The following PHACTR4 variants were observed in gnomAD, a reference collection of about 807,000 sequenced individuals.
The protein encoded by PHACTR4 is protein phosphatase 1, regulatory subunit 124.
A neutral mutation model predicts 72.7 loss-of-function variants in PHACTR4; 51 were observed. That is an observed-to-expected ratio of 0.70 (90% CI 0.56 to 0.89). The LOEUF is 0.89. Ranked by LOEUF, PHACTR4 falls within the 40% of genes least tolerant of loss-of-function variation. The pLI, the probability that PHACTR4 is intolerant of heterozygous loss-of-function variation, is 0.00. For synonymous variants in PHACTR4, 255 were observed against 302.5 expected (o/e 0.84, Z 1.63); for missense variants, 731 against 861.8 (o/e 0.85, Z 1.90).
At chr1:28,430,067 G>A (rs1656143113) in intron 2 of PHACTR4, among the ~76,000 whole-genome samples, 1 of 151,512 alleles carries the variant, frequency 6.6e-6, no homozygotes, top group Non-Finnish European at 1.5e-5. Flanking sequence ...CTGTCACCCA[G>A]GCTAGAGTGC....
chr1:28,440,908 T>C (rs892229695), intron 2 of PHACTR4, among the ~76,000 whole-genome samples: 2 of 152,176 alleles, frequency 1.3e-5, no homozygotes, highest in Non-Finnish European at 2.9e-5. Context: ...ATGATAAATA[T>C]ACAAAGTAAA....
At chr1:28,457,951 C>G (rs543196099) in intron 2 of PHACTR4, 1,051 of 797,906 alleles carry the variant, frequency 1.3e-3, no homozygotes, top group Non-Finnish European at 1.5e-3. Flanking sequence ...AAATTCTTGG[C>G]CCCGCCTTGG....
At chr1:28,399,747 G>A (rs957152441) in intron 1 of PHACTR4, among the ~76,000 whole-genome samples, 9 of 152,148 alleles carry the variant, frequency 5.9e-5, no homozygotes, top group Non-Finnish European at 1.2e-4. Flanking sequence ...ATTACAGATA[G>A]TATACCATCA....
intron 2 of PHACTR4, among the ~76,000 whole-genome samples, chr1:28,407,981 A>G (rs1654478426): frequency 6.6e-6 from 1 of 152,024 alleles, no homozygotes; most frequent in South Asian, 2.1e-4. Context: ...TTAGCTGGGC[A>G]TGGTGGCACA....
At chr1:28,399,329 T>C (rs544732746) in intron 1 of PHACTR4, among the ~76,000 whole-genome samples, 58 of 152,232 alleles carry the variant, frequency 3.8e-4, no homozygotes, top group African/African-American at 1.3e-3. Flanking sequence ...ATATATATGA[T>C]GAATAATTTT....
rs749930077 is a variant in PHACTR4 at position 28,500,315 on chromosome 1, T to C, written c.*3766T>C. On this transcript the variant is annotated 3_prime_UTR_variant, in exon 14 of 14. Transcript: ENST00000373839. ...AATAAATAATTGCATTGTATATCAGTCTTCTCATCAATATTAATTATTAAA... is the reference window on the plus strand; with the variant it reads ...AATAAATAATTGCATTGTATATCAGCCTTCTCATCAATATTAATTATTAAA... The C allele has an allele frequency of 3.9e-5, 6 of 152,140 alleles. No individual in the cohort carries two copies. The highest frequency in any genetic ancestry group is 4.8e-5 in the African/African-American group (2 of 41,440). The allele number at this position is 152,140 out of a possible 1,614,324, so 9.4% of individuals were successfully genotyped here. A position where few individuals can be genotyped will look rare whatever the true frequency, so the allele number is the denominator to read the frequency against.
chr1:28,411,487 A>T (rs541333543), intron 2 of PHACTR4, among the ~76,000 whole-genome samples: 54 of 152,360 alleles, frequency 3.5e-4, no homozygotes, highest in Middle Eastern at 3.4e-3. Context: ...TCTAAATGTT[A>T]TAATGATTTT....
intron 1 of PHACTR4, among the ~76,000 whole-genome samples, chr1:28,373,579 C>G (rs1345654938): frequency 2.0e-5 from 3 of 152,142 alleles, no homozygotes; most frequent in African/African-American, 7.2e-5. Context: ...CGTCAGCCAT[C>G]ACGCCTGGCC....
intron 10 of PHACTR4, among the ~76,000 whole-genome samples, chr1:28,490,461 A>G (rs1239196437): frequency 6.7e-6 from 1 of 149,524 alleles, no homozygotes; most frequent in Admixed American, 6.7e-5. Context: ...GAACCCGGGA[A>G]GCGGAGCTTG....
chr1:28,406,808 G>A (rs1268062327), intron 1 of PHACTR4, among the ~76,000 whole-genome samples: 1 of 152,106 alleles, frequency 6.6e-6, no homozygotes, highest in East Asian at 1.9e-4. Context: ...ACTTTCTTTT[G>A]AAACGTTTTT....
At chr1:28,415,728 T>G (rs1181119154) in intron 2 of PHACTR4, among the ~76,000 whole-genome samples, 5 of 152,238 alleles carry the variant, frequency 3.3e-5, no homozygotes, top group Non-Finnish European at 7.3e-5. Context: ...ATTATCAGTT[T>G]GCATTCTGAA....
chr1:28,476,730 GT>G (rs1163292493), intron 8 of PHACTR4, among the ~76,000 whole-genome samples: 2 of 141,460 alleles, frequency 1.4e-5, no homozygotes, highest in Admixed American at 1.4e-4. Flanking sequence ...TTTGTTTTTT[GT>G]TTTTGTAGAG....
At chr1:28,439,932 TAAA>T (rs1656880724) in intron 2 of PHACTR4, among the ~76,000 whole-genome samples, 1 of 152,146 alleles carries the variant, frequency 6.6e-6, no homozygotes, top group African/African-American at 2.4e-5. Context: ...CAATAAATTG[TAAA>T]GCAAGTAAAA....
chr1:28,430,286 A>C (rs540972604), intron 2 of PHACTR4, among the ~76,000 whole-genome samples: 1 of 152,282 alleles, frequency 6.6e-6, no homozygotes, highest in East Asian at 1.9e-4. Context: ...GGCCTCCCAA[A>C]GTGCTGGGAT....
Position 28,476,437 on chromosome 1 carries a change from A to G in PHACTR4, c.1606+146A>G, listed in dbSNP as rs943814297. ...TAACTGATGTTGGAAGCCACTGTGAAGGACTCCTTGTCCCTATTATCACCC... is the reference window on the plus strand; with the variant it reads ...TAACTGATGTTGGAAGCCACTGTGAGGGACTCCTTGTCCCTATTATCACCC... On this transcript the variant is annotated intron_variant, in intron 8 of 13. Transcript: ENST00000373839. 6 of 759,354 alleles carry G rather than the reference A, an allele frequency of 7.9e-6. No individual in the cohort carries two copies. In the South Asian group the frequency reaches 9.7e-5, roughly 12 times the overall value. The allele number at this position is 759,354 out of a possible 1,614,324, so 47.0% of individuals were successfully genotyped here. A position where few individuals can be genotyped will look rare whatever the true frequency, so the allele number is the denominator to read the frequency against.
chr1:28,438,479 A>G (rs1455370095), intron 2 of PHACTR4: 1 of 1,598,084 alleles, frequency 6.3e-7, no homozygotes, highest in Non-Finnish European at 8.6e-7. Context: ...GAAGCAAGGC[A>G]GATTTACAGG....
intron 2 of PHACTR4, among the ~76,000 whole-genome samples, chr1:28,439,275 G>A (rs1490828267): frequency 6.6e-6 from 1 of 151,660 alleles, no homozygotes; most frequent in Middle Eastern, 3.4e-3. Context: ...AACATGTTCA[G>A]TCCTAGGCTG....
At chr1:28,382,471 T>G (rs1652256728) in intron 1 of PHACTR4, among the ~76,000 whole-genome samples, 1 of 151,840 alleles carries the variant, frequency 6.6e-6, no homozygotes, top group Admixed American at 6.6e-5. Flanking sequence ...GCCTGGCTAA[T>G]TTTTTGTATG....
intron 5 of PHACTR4, 116 bp from the exon 6 acceptor site, chr1:28,466,265 TA>T: frequency 8.4e-7 from 1 of 1,191,882 alleles, no homozygotes; most frequent in Non-Finnish European, 1.2e-6. Context: ...TGGTAACCTA[TA>T]AGCTAATCTA....
Sources: allele counts gnomAD v4.1 joint callset (sites outside exome capture counted in the v4.1 genomes callset), GRCh38; gene constraint gnomAD v4.1.1; transcripts MANE v1.5; gene names NCBI Gene and HGNC (gene_info 2026-07-23, HGNC 2026-07-21).